TSPAN5: variants seen among roughly 807,000 people sequenced by gnomAD.
The protein encoded by TSPAN5 is tetraspanin-5.
TSPAN5 carries 10 observed loss-of-function variants against 37.1 expected under a neutral mutation model. The observed-to-expected ratio is 0.27, with a 90% confidence interval of 0.17 to 0.46. The LOEUF (loss-of-function observed/expected upper bound fraction) is 0.46, where lower values mean the gene tolerates loss of function less well. Among genes scored for constraint, TSPAN5 ranks in the 20% least tolerant of loss-of-function variants. The pLI is 1.00. For missense variants in TSPAN5, 195 were observed against 326.6 expected, an observed-to-expected ratio of 0.60 and a Z score of 3.11; for synonymous variants, 110 against 118.9, an observed-to-expected ratio of 0.93 and a Z score of 0.48.
chr4:98,623,512 G>C (rs1310315779), intron 1 of TSPAN5, among the ~76,000 whole-genome samples: 1 of 152,110 alleles, frequency 6.6e-6, no homozygotes, highest in African/African-American at 2.4e-5. Context: ...AAATTATTTT[G>C]TTCCTCAAAA....
At chr4:98,563,625 T>C (rs370593267) in intron 1 of TSPAN5, among the ~76,000 whole-genome samples, 1 of 152,220 alleles carries the variant, frequency 6.6e-6, no homozygotes, top group African/African-American at 2.4e-5. Context: ...TCAAGAATTA[T>C]GAGAATGGAA....
chr4:98,480,312 G>T (rs1027989171), intron 4 of TSPAN5, among the ~76,000 whole-genome samples: 2 of 152,086 alleles, frequency 1.3e-5, no homozygotes, highest in African/African-American at 4.8e-5. Flanking sequence ...AATTTTAGAG[G>T]TTAACTTTTC....
intron 1 of TSPAN5, chr4:98,574,720 A>G (rs1268217241): frequency 6.6e-6 from 1 of 152,242 alleles, no homozygotes; most frequent in African/African-American, 2.4e-5. Context: ...CCTCACCCTT[A>G]TTCAGGGTAG....
At chr4:98,541,055 T>A (rs1371945998) in intron 1 of TSPAN5, among the ~76,000 whole-genome samples, 1 of 152,216 alleles carries the variant, frequency 6.6e-6, no homozygotes, top group African/African-American at 2.4e-5. Context: ...TGATTTTGGA[T>A]AAATCATTTT....
At chr4:98,556,468 A>C (rs188533011) in intron 1 of TSPAN5, among the ~76,000 whole-genome samples, 45 of 152,312 alleles carry the variant, frequency 3.0e-4, no homozygotes, top group African/African-American at 1.0e-3. Flanking sequence ...ATGCCATCTA[A>C]AACCATAGCT....
Position 98,652,824 on chromosome 4 carries a change from C to A in TSPAN5, c.81+5322G>T, listed in dbSNP as rs553429345. On this transcript the variant is annotated intron_variant, in intron 1 of 7. Transcript: ENST00000305798. ...TACTGTGGACATTAAAACAAAGTGA[C>A]CCATCTAAATGAGTGCAACATTTTG... is the stretch of plus-strand genomic sequence containing the variant. Among the ~76,000 whole-genome samples, 133 of 152,360 alleles carry A rather than the reference C, an allele frequency of 8.7e-4. 3 individuals are homozygous for A. The South Asian group carries it at 0.026, about 29-fold the overall frequency.
At chr4:98,540,805 T>C (rs1470340409) in intron 1 of TSPAN5, among the ~76,000 whole-genome samples, 1 of 152,234 alleles carries the variant, frequency 6.6e-6, no homozygotes, top group East Asian at 1.9e-4. Context: ...TGCCAATCTG[T>C]GTCTTCTTAT....
chr4:98,647,357 G>A (rs1427459905), intron 1 of TSPAN5, among the ~76,000 whole-genome samples: 1 of 152,166 alleles, frequency 6.6e-6, no homozygotes. Context: ...AACAGTTGGA[G>A]GAAATTTTTG....
intron 1 of TSPAN5, among the ~76,000 whole-genome samples, chr4:98,648,400 G>C (rs1364882954): frequency 1.3e-5 from 2 of 152,154 alleles, no homozygotes; most frequent in African/African-American, 4.8e-5. Flanking sequence ...TCTGTAGTTA[G>C]AGCTACTCAA....
At chr4:98,533,808 C>T (rs1754161626) in intron 1 of TSPAN5, among the ~76,000 whole-genome samples, 1 of 150,110 alleles carries the variant, frequency 6.7e-6, no homozygotes, top group South Asian at 2.1e-4. Flanking sequence ...CCTCGGCCTC[C>T]CAAAGTGCTG....
chr4:98,490,694 G>A (rs1753066187), intron 2 of TSPAN5, among the ~76,000 whole-genome samples: 1 of 151,926 alleles, frequency 6.6e-6, no homozygotes, highest in South Asian at 2.1e-4. Context: ...TTTTTCCTGG[G>A]TGAAAAGAAT....
chr4:98,527,003 T>C (rs1044120856), intron 1 of TSPAN5, among the ~76,000 whole-genome samples: 7 of 152,210 alleles, frequency 4.6e-5, no homozygotes, highest in Non-Finnish European at 7.4e-5. Flanking sequence ...ATCTAAAACA[T>C]AGCATCAAAG....
chr4:98,492,858 A>G (rs371024664), intron 2 of TSPAN5, among the ~76,000 whole-genome samples: 2 of 152,214 alleles, frequency 1.3e-5, no homozygotes, highest in Non-Finnish European at 2.9e-5. Context: ...CCAATTCTGC[A>G]TGTAAACTTG....
At chr4:98,514,292 T>A (rs1487879796) in intron 1 of TSPAN5, among the ~76,000 whole-genome samples, 1 of 152,222 alleles carries the variant, frequency 6.6e-6, no homozygotes, top group East Asian at 1.9e-4. Context: ...CTGTATTATA[T>A]ATTTTCTGAC....
chr4:98,653,728 C>T (rs1379952746), intron 1 of TSPAN5, among the ~76,000 whole-genome samples: 1 of 152,168 alleles, frequency 6.6e-6, no homozygotes, highest in Non-Finnish European at 1.5e-5. Context: ...CCGAATAAAA[C>T]ATTATCTCAC....
intron 1 of TSPAN5, among the ~76,000 whole-genome samples, chr4:98,614,353 C>G (rs1479989941): frequency 6.6e-6 from 1 of 152,206 alleles, no homozygotes; most frequent in African/African-American, 2.4e-5. Flanking sequence ...CCAGCTCCAT[C>G]CCCTTGCCTG....
Position 98,624,526 on chromosome 4 carries a change from G to C in TSPAN5, c.81+33620C>G, listed in dbSNP as rs185558804. ...TAGGTTGGGTTTTTCTGTGTTTTTT[G>C]TTTGTTTGTTTTGTAGAGGAGGTGT... On this transcript the variant is annotated intron_variant, in intron 1 of 7. Coordinates refer to ENST00000305798, the MANE Select transcript of TSPAN5 (RefSeq NM_005723.4). Among the ~76,000 whole-genome samples, 22 of 152,180 alleles carry C rather than the reference G, an allele frequency of 1.4e-4. 1 individual carries two copies. The highest frequency in any genetic ancestry group is 5.3e-4 in the African/African-American group (22 of 41,546).
At chr4:98,638,876 G>A (rs1045338456) in intron 1 of TSPAN5, among the ~76,000 whole-genome samples, 3 of 152,206 alleles carry the variant, frequency 2.0e-5, no homozygotes, top group South Asian at 2.1e-4. Flanking sequence ...TGGAAATAGC[G>A]TTGAGGGGCC....
At chr4:98,477,666 T>TGAA (rs1752735760) in intron 5 of TSPAN5, among the ~76,000 whole-genome samples, 1 of 151,564 alleles carries the variant, frequency 6.6e-6, no homozygotes, top group South Asian at 2.1e-4. Flanking sequence ...AGTTACCTTT[T>TGAA]TTTTTTTTTT....
Sources: gnomAD v4.1 joint callset for allele counts (sites outside exome capture counted in the v4.1 genomes callset) on GRCh38, gnomAD v4.1.1 for gene constraint, MANE v1.5 for transcripts, NCBI Gene and HGNC (gene_info 2026-07-23, HGNC 2026-07-21) for gene names.